Variants in HNRNPK observed in about 807,000 individuals in gnomAD.
HNRNPK encodes dC-stretch binding protein.
A neutral mutation model predicts 67.0 loss-of-function variants in HNRNPK; 7 were observed. The ratio of observed to expected loss-of-function variants is 0.10; its 90% CI spans 0.06 to 0.20. The LOEUF (loss-of-function observed/expected upper bound fraction) is 0.20. Among genes scored for constraint, HNRNPK ranks in the 10% least tolerant of loss-of-function variants. The pLI, the probability that HNRNPK is intolerant of heterozygous loss-of-function variation, is 1.00. For missense variants in HNRNPK, 264 were observed against 606.5 expected (o/e 0.44, Z 5.93); for synonymous variants, 213 against 193.7 (o/e 1.10, Z -0.83).
Position 83,977,695 on chromosome 9 carries a change from C to T in HNRNPK, c.150G>A (p.Gln50=). The T allele has an allele frequency of 6.3e-7, 1 of 1,587,094 alleles. No homozygotes were observed. Among genetic ancestry groups the T allele is most frequent in the Non-Finnish European group, 8.6e-7 (1 of 1,158,366 alleles). The change falls in exon 4 of 17, where the codon CAG becomes CAA. Residue 50 remains glutamine, a synonymous_variant. Transcript: ENST00000376263. ...DEMVELRILL[Q]SKNAGAVIGK... ...TCAAGAATAAAATTTATACCTTGCTCTGAAGCAGAATGCGTAATTCAACCA... is the reference window on the plus strand; with the variant it reads ...TCAAGAATAAAATTTATACCTTGCTTTGAAGCAGAATGCGTAATTCAACCA...
chr9:83,976,050 G>C (rs1449505675), intron 5 of HNRNPK, among the ~76,000 whole-genome samples: 1 of 152,112 alleles, frequency 6.6e-6, no homozygotes, highest in African/African-American at 2.4e-5. Flanking sequence ...GAGGAGAGAG[G>C]TTTATAAAAG....
rs572386998 is a variant in HNRNPK, at chr9:83,971,865, C to G, written c.953+17G>C. On this transcript the variant is annotated intron_variant, in intron 11 of 16. Transcript: ENST00000376263. ...ATGGGGGAAGAAAAAACAACAACAA[C>G]AAAAAAAACAACTTACCCCCCTCTA... is the stretch of plus-strand genomic sequence containing the variant. 1.3e-6 allele frequency: 2 copies of G among 1,550,282 alleles called. No individual in the cohort carries two copies. Among genetic ancestry groups the G allele is most frequent in the South Asian group, 1.2e-5 (1 of 81,434 alleles).
Position 83,977,064 on chromosome 9 carries a change from C to A in HNRNPK, c.157-13G>T. ...CTGCCCCAGCATTCTGGAGAAGATACAAAGACAAAAAATTATTTTGCCTTT... is the reference window on the plus strand; with the variant it reads ...CTGCCCCAGCATTCTGGAGAAGATAAAAAGACAAAAAATTATTTTGCCTTT... On this transcript the variant is annotated splice_polypyrimidine_tract_variant and intron_variant, in intron 4 of 16. Coordinates refer to ENST00000376263, the MANE Select transcript of HNRNPK (RefSeq NM_031263.4). 6.2e-7 allele frequency: 1 copy of A among 1,603,978 alleles called. No homozygotes were observed. Among genetic ancestry groups the A allele is most frequent in the Non-Finnish European group, 8.5e-7 (1 of 1,171,262 alleles).
chr9:83,978,388 C>T lies in HNRNPK; in HGVS notation c.-43G>A. On this transcript the variant is annotated 5_prime_UTR_variant, in exon 2 of 17. Transcript: ENST00000376263. Reference sequence around the variant, plus strand: ...TAGAACGTACCAGTTATTATATATCCTTGCAGAGCAGAACTGAAGCGTTCT... The same window carrying T: ...TAGAACGTACCAGTTATTATATATCTTTGCAGAGCAGAACTGAAGCGTTCT... The T allele has an allele frequency of 1.4e-6, 2 of 1,464,392 alleles. No individual in the cohort carries two copies. The highest frequency in any genetic ancestry group is 1.4e-5 in the African/African-American group (1 of 69,682). The allele number at this position is 1,464,392 out of a possible 1,614,324, so 90.7% of individuals were successfully genotyped here. A position where few individuals can be genotyped will look rare whatever the true frequency, so the allele number is the denominator to read the frequency against.
rs143770367 is a variant in HNRNPK, at chr9:83,970,408, G to A, written c.1192-77C>T. On this transcript the variant is annotated intron_variant, in intron 15 of 16. Transcript: ENST00000376263. ...TACCTGTATTTTCAAGGAGCATGAA[G>A]TTATTAATTTTATTCATTCAGAATC... is the stretch of plus-strand genomic sequence containing the variant. The A allele has an allele frequency of 3.7e-5, 43 of 1,158,904 alleles. No individual in the cohort carries two copies. The African/African-American group carries it at 5.5e-4, about 15-fold the overall frequency. The allele number at this position is 1,158,904 out of a possible 1,614,324, so 71.8% of individuals were successfully genotyped here.
intron 4 of HNRNPK, among the ~76,000 whole-genome samples, chr9:83,977,365 T>C (rs938388247): frequency 2.6e-5 from 4 of 152,194 alleles, no homozygotes; most frequent in African/African-American, 9.6e-5. Context: ...TACCTTCATA[T>C]TGTGACCTGT....
chr9:83,971,733 G>C lies in HNRNPK; in HGVS notation c.954-7C>G, dbSNP rs757356822. 6.2e-7 allele frequency: 1 copy of C among 1,613,000 alleles called. No individual in the cohort carries two copies. The highest frequency in any genetic ancestry group is 8.5e-7 in the Non-Finnish European group (1 of 1,179,118). ...GTCATAGGCCATGAGGTCTCTGCAA[G>C]CATAGTACTTGTTGTAATCTAAACG... On this transcript the variant is annotated splice_region_variant and splice_polypyrimidine_tract_variant and intron_variant, in intron 11 of 16. Transcript: ENST00000376263.
At chr9:83,976,278 T>C (rs1197437270) in intron 5 of HNRNPK, among the ~76,000 whole-genome samples, 1 of 152,194 alleles carries the variant, frequency 6.6e-6, no homozygotes, top group Admixed American at 6.5e-5. Context: ...CACAAAGTTA[T>C]TTGCCTCATT....
chr9:83,970,205 T>A lies in HNRNPK; in HGVS notation c.1318A>T (p.Thr440Ser). The change falls in exon 16 of 17, where the codon ACA becomes TCA. Residue 440 changes from threonine to serine, a missense_variant. Transcript: ENST00000376263. ...TGTGCATTCTGTATCTGGTCCTGTG[T>A]TCCTGTAATGGTAATGATCCGATCT... is the stretch of plus-strand genomic sequence containing the variant. ...SEDRIITITG[T>S]QDQIQNAQYL... 6.2e-7 allele frequency: 1 copy of A among 1,613,646 alleles called. No individual in the cohort carries two copies. Among genetic ancestry groups the A allele is most frequent in the South Asian group, 1.1e-5 (1 of 91,054 alleles).
chr9:83,972,776 C>T (rs117734679), intron 10 of HNRNPK, 68 bp downstream of exon 10: 2 of 1,229,064 alleles, frequency 1.6e-6, no homozygotes, highest in East Asian at 5.1e-5. Context: ...TGCTCTGAAG[C>T]TACTTTTGCA....
chr9:83,975,845 A>C, intron 5 of HNRNPK: 1 of 284,024 alleles, frequency 3.5e-6, no homozygotes, highest in Non-Finnish European at 6.8e-6. Context: ...ACTTCTCTAA[A>C]TCTGACTGTG....
At position 83,971,610 on chromosome 9, in the gene HNRNPK, G is replaced by A. The variant is rs77120505; in HGVS notation, c.1008+62C>T. On this transcript the variant is annotated intron_variant, in intron 12 of 16. Transcript: ENST00000376263. ...TAATCACTATAACCTTCAACAAAAC[G>A]TGAACTACATTGTGACAACCCTCAC... 5.9e-3 allele frequency: 7,899 copies of A among 1,344,646 alleles called. 358 individuals carry two copies. The African/African-American group carries it at 0.098, about 17-fold the overall frequency. 83.3% of individuals were successfully genotyped at this position (1,344,646 alleles called of 1,614,324 possible). A position where few individuals can be genotyped will look rare whatever the true frequency, so the allele number is the denominator to read the frequency against.
rs1359246058 is a variant in HNRNPK at position 83,978,465 on chromosome 9, ACACAAATCAGTTTTG to A, written c.-107-28_-107-14del. ...GTGCTGCAGTAGCCTATAAGAACCA[ACACAAATCAGTTTTG>A]CTTTTGTTTATTCTTATTACTGAAT... On this transcript the variant is annotated splice_polypyrimidine_tract_variant and intron_variant, in intron 1 of 16. Transcript: ENST00000376263. 4 of 914,838 alleles carry A rather than the reference ACACAAATCAGTTTTG, an allele frequency of 4.4e-6. No homozygotes were observed. The highest frequency in any genetic ancestry group is 4.4e-6 in the Non-Finnish European group (3 of 682,348). The allele number at this position is 914,838 out of a possible 1,614,324, so 56.7% of individuals were successfully genotyped here.
At position 83,977,901 on chromosome 9, in the gene HNRNPK, T is replaced by C. The variant is rs1180762202; in HGVS notation, c.59-115A>G. 1.2e-5 allele frequency: 8 copies of C among 678,610 alleles called. No homozygotes were observed. In the East Asian group the frequency reaches 1.9e-4, roughly 16 times the overall value. 42.0% of individuals were successfully genotyped at this position (678,610 alleles called of 1,614,324 possible). A position where few individuals can be genotyped will look rare whatever the true frequency, so the allele number is the denominator to read the frequency against. ...GCATGTTTTGAAAAGACCAAAGGCA[T>C]TGCTACAGACTTGAACGTTATGCTT... On this transcript the variant is annotated intron_variant, in intron 3 of 16. Coordinates refer to ENST00000376263, the MANE Select transcript of HNRNPK (RefSeq NM_031263.4).
intron 5 of HNRNPK, chr9:83,976,722 T>C (rs924076480): frequency 2.0e-5 from 6 of 301,272 alleles, no homozygotes; most frequent in Non-Finnish European, 3.6e-5. Context: ...CTATTTCTAA[T>C]TAAGATGTTA....
At chr9:83,974,418 T>G (rs1956985570) in intron 7 of HNRNPK, 99 bp downstream of exon 7, 1 of 593,622 alleles carries the variant, frequency 1.7e-6, no homozygotes, top group Non-Finnish European at 3.0e-6. Flanking sequence ...AACTGTCATA[T>G]CCATTGTCTC....
chr9:83,977,835 G>A (rs1286204742), intron 3 of HNRNPK, 49 bp from the exon 4 acceptor site: 5 of 1,141,652 alleles, frequency 4.4e-6, no homozygotes, highest in African/African-American at 3.1e-5. Flanking sequence ...AGTCTCCAAA[G>A]TAACTCCATT....
At chr9:83,979,477 T>C (rs1957253880) in intron 1 of HNRNPK, among the ~76,000 whole-genome samples, 1 of 152,100 alleles carries the variant, frequency 6.6e-6, no homozygotes, top group Admixed American at 6.5e-5. Context: ...AAAAATCCGC[T>C]AAGTATGTGC....
intron 10 of HNRNPK, 67 bp downstream of exon 10, chr9:83,972,777 T>C (rs751454048): frequency 2.5e-4 from 315 of 1,244,410 alleles, no homozygotes; most frequent in Non-Finnish European, 3.3e-4. Flanking sequence ...GCTCTGAAGC[T>C]ACTTTTGCAG....
Sources: allele counts gnomAD v4.1 joint callset (sites outside exome capture counted in the v4.1 genomes callset), GRCh38; gene constraint gnomAD v4.1.1; transcripts MANE v1.5; gene names NCBI Gene and HGNC (gene_info 2026-07-23, HGNC 2026-07-21).